The following CEP152 variants were observed in gnomAD, a reference collection of about 807,000 sequenced individuals.
The protein encoded by CEP152 is centrosomal protein 152.
CEP152 carries 132 observed loss-of-function variants against 188.9 expected under a neutral mutation model. That is an observed-to-expected ratio of 0.70 (90% confidence interval 0.61 to 0.81). CEP152 has a LOEUF of 0.81. Ranked by LOEUF, CEP152 falls within the 30% of genes least tolerant of loss-of-function variation. CEP152 has a pLI of 0.00. For missense variants in CEP152, 1,914 were observed against 1,969.8 expected, an observed-to-expected ratio of 0.97 and a Z score of 0.54; for synonymous variants, 649 against 666.6, an observed-to-expected ratio of 0.97 and a Z score of 0.41.
rs751880580 is a variant in CEP152, at chr15:48,798,031, G to A, written c.108C>T (p.Asp36=). The A allele has an allele frequency of 1.5e-5, 25 of 1,613,978 alleles. No homozygotes were observed. The highest frequency in any genetic ancestry group is 2.1e-5 in the Non-Finnish European group (25 of 1,179,918). Residue 36 remains aspartate, a synonymous_variant, in exon 3 of 27, where the codon GAC becomes GAT. Coordinates refer to ENST00000380950, the MANE Select transcript of CEP152 (RefSeq NM_001194998.2). ...CGTCATCCAGCATGTCATGGGGAAGGTCTGTGAGTAACTGCTGCAACTGAG... is the reference window on the plus strand; with the variant it reads ...CGTCATCCAGCATGTCATGGGGAAGATCTGTGAGTAACTGCTGCAACTGAG... ...REKELQQLLT[D]LPHDMLDDDL... is the part of the protein sequence containing the mutation.
chr15:48,744,588 T>C (rs990872290), intron 23 of CEP152, among the ~76,000 whole-genome samples: 3 of 152,084 alleles, frequency 2.0e-5, no homozygotes, highest in African/African-American at 4.8e-5. Flanking sequence ...GAAAAACATA[T>C]GTAGGAGAAT....
At chr15:48,746,160 G>T (rs763377439) in intron 22 of CEP152, among the ~76,000 whole-genome samples, 1 of 152,034 alleles carries the variant, frequency 6.6e-6, no homozygotes, top group Non-Finnish European at 1.5e-5. Context: ...ACCTACTAAA[G>T]TTATATTAAG....
rs200227733 is a variant in CEP152, at chr15:48,798,006, C to G, written c.133G>C (p.Asp45His). The change falls in exon 3 of 27, where the codon GAC (aspartate) becomes CAC (histidine). Residue 45 changes from aspartate to histidine, a missense_variant. Physicochemically the swap from Asp to His is moderately conservative, Grantham distance 81 (BLOSUM62 -1). Coordinates refer to ENST00000380950, the MANE Select transcript of CEP152 (RefSeq NM_001194998.2). ...TDLPHDMLDD[D>H]LSSPELQYSD... ...TACTGGAGCTCTGGAGAGGAGAGGT[C>G]GTCATCCAGCATGTCATGGGGAAGG... 1.9e-6 allele frequency: 3 copies of G among 1,613,964 alleles called. No individual in the cohort carries two copies. Among genetic ancestry groups the G allele is most frequent in the Non-Finnish European group, 2.5e-6 (3 of 1,179,942 alleles).
intron 8 of CEP152, 26 bp downstream of exon 8, chr15:48,791,211 T>C (rs1595685651): frequency 1.9e-6 from 3 of 1,592,360 alleles, no homozygotes; most frequent in African/African-American, 1.4e-5. Flanking sequence ...TTAATTTTTT[T>C]ACCATACATA....
At chr15:48,781,450 C>T in intron 11 of CEP152, 91 bp from the exon 12 acceptor site, 1 of 1,028,034 alleles carries the variant, frequency 9.7e-7, no homozygotes, top group South Asian at 1.4e-5. Context: ...TAATGATCAA[C>T]AGGAGGCAAA....
chr15:48,758,818 C>A (rs1426917670), intron 19 of CEP152, among the ~76,000 whole-genome samples: 5 of 151,334 alleles, frequency 3.3e-5, no homozygotes, highest in Non-Finnish European at 7.4e-5. Context: ...CTTTAACAAA[C>A]CCTGCAAGTG....
At chr15:48,758,770 A>G (rs1446783961) in intron 19 of CEP152, among the ~76,000 whole-genome samples, 5 of 151,358 alleles carry the variant, frequency 3.3e-5, no homozygotes, top group Middle Eastern at 3.5e-3. Flanking sequence ...CAGACCTACT[A>G]TATCATTATC....
rs1567024694 is a variant in CEP152, at chr15:48,793,454, T to C, written c.699A>G (p.Ala233=). Residue 233 remains alanine, a synonymous_variant, in exon 7 of 27, where the codon GCA becomes GCG. Coordinates refer to ENST00000380950, the MANE Select transcript of CEP152 (RefSeq NM_001194998.2). ...GAAGTTGAATAATCTGCATATTTTC[T>C]GCAGAGTCTGGGAATTAAAGACAAT... is the stretch of plus-strand genomic sequence containing the variant. The part of the protein sequence containing the change: ...QQFLGANENS[A]ENMQIIQLQV... The C allele has an allele frequency of 2.5e-6, 4 of 1,613,282 alleles. No individual in the cohort carries two copies. The highest frequency in any genetic ancestry group is 3.4e-6 in the Non-Finnish European group (4 of 1,179,602).
chr15:48,769,066 A>G lies in CEP152; in HGVS notation c.1798T>C (p.Ser600Pro). The change falls in exon 14 of 27, where the codon TCA becomes CCA. Residue 600 changes from serine to proline, a missense_variant. Ser to Pro is a moderately conservative substitution (Grantham distance 74, BLOSUM62 -1). Coordinates refer to ENST00000380950, the MANE Select transcript of CEP152 (RefSeq NM_001194998.2). The stretch of plus-strand genomic sequence containing the variant: ...CATAATTGATTCTTTGGTTTTTCTG[A>G]GGTATCTGTTTTAGTCTGAATATTA... ...SIEVETKTDT[S>P]EKPKNQLWPE... 1 of 1,606,968 alleles carries G rather than the reference A, an allele frequency of 6.2e-7. No individual in the cohort carries two copies. The highest frequency in any genetic ancestry group is 8.5e-7 in the Non-Finnish European group (1 of 1,174,326).
At chr15:48,756,703 T>A in intron 19 of CEP152, 150 bp from the exon 20 acceptor site, 1 of 743,004 alleles carries the variant, frequency 1.3e-6, no homozygotes, top group Non-Finnish European at 2.2e-6. Context: ...GACATTATTC[T>A]AAAAACTATA....
intron 23 of CEP152, 84 bp downstream of exon 23, chr15:48,744,811 CA>C (rs563954737): frequency 1.6e-4 from 201 of 1,277,784 alleles, no homozygotes; most frequent in East Asian, 6.0e-4. Flanking sequence ...TGCTGTATAA[CA>C]AAAAAAATTG....
rs1892701928 is a variant in CEP152, at chr15:48,738,241, T to C, written c.*8A>G. On this transcript the variant is annotated 3_prime_UTR_variant, in exon 27 of 27. Transcript: ENST00000380950. ...TATTAATGATTCTTCTTAAATACTG[T>C]ACCATAATTAGTCTAGATTAACAAA... is the stretch of plus-strand genomic sequence containing the variant. The C allele has an allele frequency of 1.8e-5, 29 of 1,609,064 alleles. No individual in the cohort carries two copies. Among genetic ancestry groups the C allele is most frequent in the Non-Finnish European group, 2.5e-5 (29 of 1,176,874 alleles).
intron 9 of CEP152, among the ~76,000 whole-genome samples, chr15:48,787,677 G>C (rs1896751302): frequency 6.6e-6 from 1 of 152,104 alleles, no homozygotes; most frequent in Non-Finnish European, 1.5e-5. Context: ...AGCTATATAG[G>C]TCAGAAATAA....
intron 26 of CEP152, chr15:48,740,961 C>G: frequency 1.1e-6 from 1 of 899,546 alleles, no homozygotes; most frequent in Non-Finnish European, 1.3e-6. Context: ...CCCCTAGGCC[C>G]TCTATTTCTC....
chr15:48,747,600 T>C (rs784411), intron 22 of CEP152, among the ~76,000 whole-genome samples: 48,865 of 152,058 alleles, frequency 0.32, 10,711 homozygotes, highest in East Asian at 0.63. Flanking sequence ...TCCTAAAGGA[T>C]GAGAGTAAGA....
intron 2 of CEP152, chr15:48,729,913 A>T (rs1892365158): frequency 6.6e-6 from 1 of 152,108 alleles, no homozygotes; most frequent in East Asian, 1.9e-4. Flanking sequence ...AAATACACAG[A>T]AAAGAGATTA....
chr15:48,738,388 T>A lies in CEP152; in HGVS notation c.4994A>T (p.Asp1665Val), dbSNP rs779475982. The A allele has an allele frequency of 2.2e-5, 35 of 1,614,076 alleles. No homozygotes were observed. Among genetic ancestry groups the A allele is most frequent in the Non-Finnish European group, 2.9e-5 (34 of 1,180,022 alleles). The change falls in exon 27 of 27, where the codon GAT becomes GTT. Residue 1665 changes from aspartate to valine, a missense_variant. Coordinates refer to ENST00000380950, the MANE Select transcript of CEP152 (RefSeq NM_001194998.2). ...NCGHPSRHKA[D>V]RLKSDFKKLS... ...TTTTTTGAAATCTGACTTTAATCTA[T>A]CAGCCTTATGACGAGATGGGTGTCC...
chr15:48,798,876 T>C (rs1897497214), intron 2 of CEP152, among the ~76,000 whole-genome samples: 1 of 152,150 alleles, frequency 6.6e-6, no homozygotes, highest in Non-Finnish European at 1.5e-5. Context: ...ACATTTAGGA[T>C]TTCAATAACT....
At position 48,756,109 on chromosome 15, in the gene CEP152, G is replaced by A. The variant is rs2140667526; in HGVS notation, c.3139C>T (p.Leu1047=). ...LEIYQYEEDI[L]TVLGVLLSDT... Reference sequence around the variant, plus strand: ...CTTAAAAGAACCCCAAGTACAGTCAGGATGTCTTCCTCATACTGATAGATT... The same window carrying A: ...CTTAAAAGAACCCCAAGTACAGTCAAGATGTCTTCCTCATACTGATAGATT... Residue 1047 remains leucine, a synonymous_variant, in exon 20 of 27, where the codon CTG becomes TTG. Transcript: ENST00000380950. 1.2e-6 allele frequency: 2 copies of A among 1,614,040 alleles called. No homozygotes were observed. The highest frequency in any genetic ancestry group is 1.3e-5 in the African/African-American group (1 of 75,022).
Sources: gnomAD v4.1 joint callset for allele counts (sites outside exome capture counted in the v4.1 genomes callset) on GRCh38, gnomAD v4.1.1 for gene constraint, MANE v1.5 for transcripts, NCBI Gene and HGNC (gene_info 2026-07-23, HGNC 2026-07-21) for gene names.